The following ZFHX3 variants were observed in gnomAD, a reference collection of about 807,000 sequenced individuals.
ZFHX3 encodes the protein zinc finger homeobox protein 3.
Under a neutral mutation model 279.1 loss-of-function variants are expected in ZFHX3, and 42 were observed. The ratio of observed to expected loss-of-function variants is 0.15; its 90% confidence interval spans 0.12 to 0.19. ZFHX3 has a LOEUF of 0.19. Among genes scored for constraint, ZFHX3 ranks in the 10% least tolerant of loss-of-function variants. The pLI, the probability that ZFHX3 is intolerant of heterozygous loss-of-function variation, is 1.00. For synonymous variants in ZFHX3, 2,293 were observed against 1,957.8 expected, an observed-to-expected ratio of 1.17 and a Z score of -4.52; for missense variants, 4,981 against 4,754.0, an observed-to-expected ratio of 1.05 and a Z score of -1.40.
At chr16:73,508,306 C>T (rs2019363331) in intron 2 of ZFHX3, among the ~76,000 whole-genome samples, 2 of 152,146 alleles carry the variant, frequency 1.3e-5, no homozygotes, top group Non-Finnish European at 2.9e-5. Flanking sequence ...CCAGTATTGA[C>T]TGCCCTTTTT....
chr16:73,714,284 C>T (rs1354036045), intron 1 of ZFHX3, among the ~76,000 whole-genome samples: 4 of 152,018 alleles, frequency 2.6e-5, no homozygotes, highest in Non-Finnish European at 2.9e-5. Context: ...TGCAATTGTT[C>T]GCTCTCCCCC....
intron 2 of ZFHX3, among the ~76,000 whole-genome samples, chr16:73,565,143 A>G (rs1048823951): frequency 6.6e-6 from 1 of 152,056 alleles, no homozygotes; most frequent in African/African-American, 2.4e-5. Context: ...AGTCCCAGCT[A>G]TTCGGGAGGC....
At chr16:73,156,924 G>C (rs1967100455) in intron 5 of ZFHX3, among the ~76,000 whole-genome samples, 1 of 152,164 alleles carries the variant, frequency 6.6e-6, no homozygotes, top group African/African-American at 2.4e-5. Context: ...ATGTTGGCCA[G>C]GATGGTCTCT....
chr16:73,370,161 G>A (rs1245660195), intron 3 of ZFHX3, among the ~76,000 whole-genome samples: 1 of 152,174 alleles, frequency 6.6e-6, no homozygotes, highest in Non-Finnish European at 1.5e-5. Flanking sequence ...CCTTTCTTTG[G>A]AAACACTTCA....
At chr16:73,588,438 G>A (rs2051950272) in intron 2 of ZFHX3, among the ~76,000 whole-genome samples, 1 of 151,958 alleles carries the variant, frequency 6.6e-6, no homozygotes, top group Admixed American at 6.6e-5. Context: ...TGTAGTCCCA[G>A]CACTTTGGGA....
chr16:72,787,208 C>A lies in ZFHX3; in HGVS notation c.11068G>T (p.Asp3690Tyr). Residue 3690 changes from aspartate to tyrosine, a missense_variant, in exon 10 of 10, where the codon GAC becomes TAC. By Grantham distance (160) the Asp-to-Tyr change is radical (BLOSUM62 -3). This residue lies in a region of ZFHX3 where 1,034 missense variants were observed against 786.0 expected (regional missense o/e 1.32). Coordinates refer to ENST00000268489, the MANE Select transcript of ZFHX3 (RefSeq NM_006885.4). ...GTTCCTACACTGGTCAGACCACTGT[C>A]CTTGGGGCAGCTGGGGTCTTTGGGA... ...EGPKDPSCPK[D>Y]SGLTSVGTDT... 1 of 1,613,826 alleles carries A rather than the reference C, an allele frequency of 6.2e-7. No homozygotes were observed. Among genetic ancestry groups the A allele is most frequent in the Non-Finnish European group, 8.5e-7 (1 of 1,179,884 alleles).
chr16:73,532,499 T>C (rs979672189), intron 2 of ZFHX3, among the ~76,000 whole-genome samples: 20 of 152,126 alleles, frequency 1.3e-4, no homozygotes, highest in Non-Finnish European at 2.5e-4. Flanking sequence ...TGGAGTAATA[T>C]AGTAGTCATC....
chr16:72,816,990 A>G (rs990616864), intron 5 of ZFHX3, among the ~76,000 whole-genome samples: 1 of 152,250 alleles, frequency 6.6e-6, no homozygotes, highest in East Asian at 1.9e-4. Context: ...GGAATAGGGA[A>G]GAGAGCTGAT....
At position 72,958,960 on chromosome 16, in the gene ZFHX3, T is replaced by A. The variant is rs779424417; in HGVS notation, c.1186A>T (p.Thr396Ser). 23 of 1,598,130 alleles carry A rather than the reference T, an allele frequency of 1.4e-5. 1 individual carries two copies. The South Asian group carries it at 2.4e-4, about 17-fold the overall frequency. Residue 396 changes from threonine (T) to serine (S), a missense_variant, in exon 2 of 10, where the codon ACC (threonine) becomes TCC (serine). By Grantham distance (58) the Thr-to-Ser change is moderately conservative. Transcript: ENST00000268489. ...CCAAGGTTCAACAGGGTGCTGGGGG[T>A]CAAGAGACCAGCCTGGGGCTGCTCG... ...GPEQPQAGLL[T>S]PSTLLNLGGL...
intron 1 of ZFHX3, among the ~76,000 whole-genome samples, chr16:73,695,262 G>A (rs1161860608): frequency 2.1e-5 from 3 of 146,160 alleles, no homozygotes; most frequent in East Asian, 4.0e-4. Flanking sequence ...TTTGAGATGG[G>A]GTCTTCCTCT....
intron 3 of ZFHX3, among the ~76,000 whole-genome samples, chr16:73,346,262 C>A (rs2016121609): frequency 6.6e-6 from 1 of 152,192 alleles, no homozygotes; most frequent in Admixed American, 6.5e-5. Flanking sequence ...TCTGTCCCTC[C>A]CAGACCACTG....
At chr16:73,118,710 G>A (rs1966461011) in intron 7 of ZFHX3, among the ~76,000 whole-genome samples, 1 of 152,168 alleles carries the variant, frequency 6.6e-6, no homozygotes, top group Non-Finnish European at 1.5e-5. Context: ...ACAAGCCTCT[G>A]GGCTCTTGCA....
chr16:72,794,476 G>C lies in ZFHX3; in HGVS notation c.8206C>G (p.His2736Asp). 6.2e-7 allele frequency: 1 copy of C among 1,614,186 alleles called. No homozygotes were observed. Among genetic ancestry groups the C allele is most frequent in the Non-Finnish European group, 8.5e-7 (1 of 1,180,042 alleles). The change falls in exon 9 of 10, where the codon CAT becomes GAT. Residue 2736 changes from histidine to aspartate, a missense_variant. Transcript: ENST00000268489. The surrounding 1 kb of genome is among the most constrained non-coding windows in gnomAD (Gnocchi z 4.2). ...LEAHIRSRHW[H>D]EAKRAGYNLT... Reference sequence around the variant, plus strand: ...TTGTAGCCAGCTCTCTTGGCTTCATGCCAGTGACGGGACCGGATATGAGCC... The same window carrying C: ...TTGTAGCCAGCTCTCTTGGCTTCATCCCAGTGACGGGACCGGATATGAGCC...
chr16:73,771,543 T>C (rs76240645), intron 1 of ZFHX3, among the ~76,000 whole-genome samples: 5,862 of 152,290 alleles, frequency 0.038, 337 homozygotes, highest in African/African-American at 0.13. Context: ...GCTGAGGTCT[T>C]ACCTTCCTCT....
Position 72,958,850 on chromosome 16 carries a change from C to T in ZFHX3, c.1296G>A (p.Glu432=). 1 of 1,613,926 alleles carries T rather than the reference C, an allele frequency of 6.2e-7. No individual in the cohort carries two copies. Among genetic ancestry groups the T allele is most frequent in the Non-Finnish European group, 8.5e-7 (1 of 1,179,930 alleles). Reference sequence around the variant, plus strand: ...CTTCTGCCGCCCCAGAGTCCTTGCCCTCTGAGGATTTGGTAGGACTGGAAG... The same window carrying T: ...CTTCTGCCGCCCCAGAGTCCTTGCCTTCTGAGGATTTGGTAGGACTGGAAG... ...PLASSPTKSS[E]GKDSGAAEGE... Residue 432 remains glutamate, a synonymous_variant, in exon 2 of 10, where the codon GAG becomes GAA. Coordinates refer to ENST00000268489, the MANE Select transcript of ZFHX3 (RefSeq NM_006885.4).
chr16:73,808,316 G>C (rs1199591393), intron 1 of ZFHX3, among the ~76,000 whole-genome samples: 1 of 152,270 alleles, frequency 6.6e-6, no homozygotes, highest in Non-Finnish European at 1.5e-5. Flanking sequence ...TAGAGAAAGT[G>C]ATAGTAGTTG....
intron 1 of ZFHX3, among the ~76,000 whole-genome samples, chr16:73,728,487 A>C (rs1199139704): frequency 6.6e-6 from 1 of 152,234 alleles, no homozygotes; most frequent in East Asian, 1.9e-4. Flanking sequence ...TCTATTGGAC[A>C]GTGCTGTTTG....
chr16:73,767,803 G>A (rs887935619), intron 1 of ZFHX3, among the ~76,000 whole-genome samples: 4 of 152,110 alleles, frequency 2.6e-5, no homozygotes, highest in East Asian at 1.9e-4. Flanking sequence ...GTAGTCTTAC[G>A]TAATCAGCTG....
chr16:73,478,959 G>A (rs192181683), intron 2 of ZFHX3, among the ~76,000 whole-genome samples: 6 of 152,276 alleles, frequency 3.9e-5, no homozygotes, highest in East Asian at 1.9e-4. Context: ...GGCTGAGGCC[G>A]GGGAATTGCT....
Sources: allele counts gnomAD v4.1 joint callset (sites outside exome capture counted in the v4.1 genomes callset), GRCh38; gene constraint gnomAD v4.1.1; regional missense constraint gnomAD v4.1.1; non-coding constraint Gnocchi (gnomAD v3.1); transcripts MANE v1.5; gene names NCBI Gene and HGNC (gene_info 2026-07-23, HGNC 2026-07-21).